Variants in SHC4 observed in about 807,000 individuals in gnomAD.
The protein encoded by SHC4 is SHC adaptor protein 4.
In SHC4, 41 loss-of-function variants were observed where a neutral mutation model predicts 69.4. The ratio of observed to expected loss-of-function variants is 0.59; its 90% CI spans 0.46 to 0.77. The LOEUF is 0.77. SHC4 is among the 30% of genes least tolerant of loss of function. The probability of loss-of-function intolerance (pLI) is 0.00; values close to 1 mark genes in which losing one functional copy is unlikely to be tolerated. For synonymous variants in SHC4, 318 were observed against 299.3 expected (o/e 1.06, Z -0.64); for missense variants, 777 against 783.8 (o/e 0.99, Z 0.10).
intron 11 of SHC4, among the ~76,000 whole-genome samples, chr15:48,827,037 C>A (rs1010275621): frequency 1.3e-5 from 2 of 152,166 alleles, no homozygotes; most frequent in African/African-American, 4.8e-5. Flanking sequence ...TAGACAGAAG[C>A]TGTACATTAC....
intron 9 of SHC4, among the ~76,000 whole-genome samples, chr15:48,850,916 A>G (rs988602043): frequency 2.0e-5 from 3 of 152,178 alleles, no homozygotes; most frequent in African/African-American, 4.8e-5. Context: ...TTCCAGAGAG[A>G]GAGCTTTCAT....
At chr15:48,920,047 C>T (rs1406221434) in intron 2 of SHC4, among the ~76,000 whole-genome samples, 7 of 148,464 alleles carry the variant, frequency 4.7e-5, no homozygotes, top group Non-Finnish European at 3.0e-5. Flanking sequence ...CGGAGTCTTG[C>T]TCTGTCACCC....
chr15:48,943,362 T>C (rs560556770), intron 1 of SHC4, among the ~76,000 whole-genome samples: 1 of 152,330 alleles, frequency 6.6e-6, no homozygotes, highest in South Asian at 2.1e-4. Flanking sequence ...TAGTTTTCTT[T>C]CTATATCTGG....
chr15:48,934,543 TCAAA>T (rs1164271026), intron 1 of SHC4, among the ~76,000 whole-genome samples: 1 of 152,150 alleles, frequency 6.6e-6, no homozygotes, highest in Non-Finnish European at 1.5e-5. Flanking sequence ...TGGCAGTTTC[TCAAA>T]CAGTTAAACA....
chr15:48,944,693 A>G (rs1901242737), intron 1 of SHC4, among the ~76,000 whole-genome samples: 1 of 152,184 alleles, frequency 6.6e-6, no homozygotes, highest in African/African-American at 2.4e-5. Flanking sequence ...CTGAAGTGAT[A>G]AGGGGGATCT....
intron 10 of SHC4, among the ~76,000 whole-genome samples, chr15:48,842,271 T>C (rs1008239074): frequency 6.6e-6 from 1 of 152,214 alleles, no homozygotes; most frequent in Non-Finnish European, 1.5e-5. Context: ...TAGTGCTTTA[T>C]AGATGACTTA....
intron 10 of SHC4, among the ~76,000 whole-genome samples, chr15:48,838,714 CA>C (rs199854004): frequency 0.048 from 7,296 of 152,102 alleles, 239 homozygotes; most frequent in Middle Eastern, 0.095. Context: ...ATAGAAAAAA[CA>C]TAATAAAGAT....
At chr15:48,859,198 G>T (rs746097588) in intron 6 of SHC4, among the ~76,000 whole-genome samples, 58 of 152,112 alleles carry the variant, frequency 3.8e-4, no homozygotes, top group Non-Finnish European at 6.6e-4. Flanking sequence ...ACCTATAACA[G>T]TGTTTCTCAG....
intron 9 of SHC4, among the ~76,000 whole-genome samples, chr15:48,849,698 T>C (rs1899170588): frequency 6.6e-6 from 1 of 152,164 alleles, no homozygotes; most frequent in African/African-American, 2.4e-5. Flanking sequence ...GACTATTAAA[T>C]CCTTAGGTTA....
chr15:48,873,579 C>A (rs1051145745), intron 4 of SHC4, among the ~76,000 whole-genome samples: 3 of 152,092 alleles, frequency 2.0e-5, no homozygotes, highest in Non-Finnish European at 4.4e-5. Context: ...CCCATCTCTA[C>A]TAAAAATACA....
At chr15:48,908,117 G>A (rs992766796) in intron 2 of SHC4, among the ~76,000 whole-genome samples, 1 of 152,096 alleles carries the variant, frequency 6.6e-6, no homozygotes, top group Non-Finnish European at 1.5e-5. Flanking sequence ...GTTCTTTAAG[G>A]AATCTCCACA....
Position 48,899,353 on chromosome 15 carries a change from G to T in SHC4, c.657-8542C>A, listed in dbSNP as rs151089029. ...ATGGTGGTGCACATCTGTAATCCCAGCTATTAGGGAGGCTGAGGCAGGAGA... is the reference window on the plus strand; with the variant it reads ...ATGGTGGTGCACATCTGTAATCCCATCTATTAGGGAGGCTGAGGCAGGAGA... On this transcript the variant is annotated intron_variant, in intron 2 of 11. Transcript: ENST00000332408. Among the ~76,000 whole-genome samples the T allele has an allele frequency of 6.0e-3, 911 of 152,288 alleles. 13 individuals carry two copies. The highest frequency in any genetic ancestry group is 0.04 in the South Asian group (191 of 4,830).
At chr15:48,940,989 A>G (rs16961928) in intron 1 of SHC4, among the ~76,000 whole-genome samples, 2,052 of 152,286 alleles carry the variant, frequency 0.013, 35 homozygotes, top group African/African-American at 0.048. Context: ...CTGTACCTGG[A>G]GCAGTGAATT....
Position 48,962,587 on chromosome 15 carries a change from T to C in SHC4, c.429A>G (p.Ala143=), listed in dbSNP as rs1432866535. Residue 143 remains alanine, a synonymous_variant, in exon 1 of 12, where the codon GCA becomes GCG. Coordinates refer to ENST00000332408, the MANE Select transcript of SHC4 (RefSeq NM_203349.4). The part of the protein sequence containing the change: ...PETSLSRSGT[A]PPPQQDLVGH... Reference sequence around the variant, plus strand: ...CCACCAGGTCCTGCTGCGGTGGAGGTGCAGTCCCGGACCTACTTAAACTGG... The same window carrying C: ...CCACCAGGTCCTGCTGCGGTGGAGGCGCAGTCCCGGACCTACTTAAACTGG... 1 of 1,613,034 alleles carries C rather than the reference T, an allele frequency of 6.2e-7. No individual in the cohort carries two copies. Among genetic ancestry groups the C allele is most frequent in the African/African-American group, 1.3e-5 (1 of 74,878 alleles).
At chr15:48,960,159 A>G (rs2141043870) in intron 1 of SHC4, among the ~76,000 whole-genome samples, 1 of 152,332 alleles carries the variant, frequency 6.6e-6, no homozygotes, top group African/African-American at 2.4e-5. Flanking sequence ...TGCCATGAAA[A>G]GACAGATGGT....
chr15:48,932,159 G>A (rs1009249325), intron 1 of SHC4, among the ~76,000 whole-genome samples: 1 of 151,990 alleles, frequency 6.6e-6, no homozygotes, highest in African/African-American at 2.4e-5. Flanking sequence ...ACACATATAT[G>A]GCATGTTATC....
intron 1 of SHC4, among the ~76,000 whole-genome samples, chr15:48,937,975 C>A (rs1033274058): frequency 6.6e-6 from 1 of 152,152 alleles, no homozygotes; most frequent in African/African-American, 2.4e-5. Flanking sequence ...CAACCAATAG[C>A]TTTAACCCAA....
intron 1 of SHC4, among the ~76,000 whole-genome samples, chr15:48,956,806 G>A (rs1011102173): frequency 2.0e-5 from 3 of 152,142 alleles, no homozygotes; most frequent in Non-Finnish European, 2.9e-5. Context: ...CTAACATAAA[G>A]TGGATAAACA....
intron 1 of SHC4, among the ~76,000 whole-genome samples, chr15:48,934,173 G>T (rs1349900275): frequency 2.6e-5 from 4 of 152,032 alleles, no homozygotes; most frequent in Non-Finnish European, 4.4e-5. Flanking sequence ...GAAAATATTT[G>T]CAAATGACAT....
Sources: gnomAD v4.1 joint callset for allele counts (sites outside exome capture counted in the v4.1 genomes callset) on GRCh38, gnomAD v4.1.1 for gene constraint, MANE v1.5 for transcripts, NCBI Gene and HGNC (gene_info 2026-07-23, HGNC 2026-07-21) for gene names.